The following CNTNAP2 variants were observed in gnomAD, a reference collection of about 807,000 sequenced individuals.
CNTNAP2 encodes contactin-associated protein-like 2.
Under a neutral mutation model 155.2 loss-of-function variants are expected in CNTNAP2, and 98 were observed. The observed-to-expected ratio is 0.63, with a 90% confidence interval of 0.54 to 0.75. The LOEUF (loss-of-function observed/expected upper bound fraction) is 0.75, where lower values mean the gene tolerates loss of function less well. Among genes scored for constraint, CNTNAP2 ranks in the 30% least tolerant of loss-of-function variants. The pLI is 0.00. For missense variants in CNTNAP2, 1,727 were observed against 1,688.1 expected (o/e 1.02, Z -0.40); for synonymous variants, 651 against 631.2 (o/e 1.03, Z -0.47).
chr7:147,225,070 A>T (rs2116603240), intron 8 of CNTNAP2, among the ~76,000 whole-genome samples: 1 of 152,318 alleles, frequency 6.6e-6, no homozygotes, highest in Admixed American at 6.5e-5. Context: ...AATTACTTGC[A>T]GTTAAGTAAA....
chr7:147,382,571 A>C (rs1213758848), intron 9 of CNTNAP2, among the ~76,000 whole-genome samples: 1 of 152,166 alleles, frequency 6.6e-6, no homozygotes, highest in East Asian at 1.9e-4. Flanking sequence ...ATTAAAATGG[A>C]GGAGTCAAAC....
chr7:147,894,689 G>C (rs904762702), intron 13 of CNTNAP2, among the ~76,000 whole-genome samples: 2 of 152,044 alleles, frequency 1.3e-5, no homozygotes, highest in African/African-American at 4.8e-5. Flanking sequence ...TATAGAAACA[G>C]TGGGAATGAA....
At chr7:147,346,084 A>T (rs1584888230) in intron 9 of CNTNAP2, among the ~76,000 whole-genome samples, 1 of 152,160 alleles carries the variant, frequency 6.6e-6, no homozygotes, top group Non-Finnish European at 1.5e-5. Flanking sequence ...TGACATTGTA[A>T]ATAGTGTTCC....
At chr7:146,159,588 A>G (rs1798184199) in intron 1 of CNTNAP2, among the ~76,000 whole-genome samples, 2 of 152,206 alleles carry the variant, frequency 1.3e-5, no homozygotes, top group Non-Finnish European at 2.9e-5. Context: ...AGGGGTTGCA[A>G]TCTTAGTCTC....
At chr7:147,148,768 G>A (rs1186051018) in intron 8 of CNTNAP2, among the ~76,000 whole-genome samples, 1 of 152,164 alleles carries the variant, frequency 6.6e-6, no homozygotes, top group Non-Finnish European at 1.5e-5. Flanking sequence ...TCCTCCTGGA[G>A]GGTTCATGGT....
chr7:147,934,466 A>T (rs1052991660), intron 14 of CNTNAP2, among the ~76,000 whole-genome samples: 18 of 152,162 alleles, frequency 1.2e-4, no homozygotes, highest in African/African-American at 4.3e-4. Flanking sequence ...CATGGGAAAG[A>T]CCTGCCCCCA....
chr7:147,206,724 C>T (rs1396304129), intron 8 of CNTNAP2, among the ~76,000 whole-genome samples: 1 of 152,088 alleles, frequency 6.6e-6, no homozygotes, highest in Non-Finnish European at 1.5e-5. Flanking sequence ...TAAAAAGATT[C>T]CTATTTTTTG....
At chr7:146,869,276 T>C (rs763638120) in intron 3 of CNTNAP2, among the ~76,000 whole-genome samples, 1 of 152,174 alleles carries the variant, frequency 6.6e-6, no homozygotes, top group South Asian at 2.1e-4. Context: ...TAGATAATCA[T>C]GTGTTTTGTT....
At chr7:148,155,705 G>T (rs926896605) in intron 17 of CNTNAP2, among the ~76,000 whole-genome samples, 3 of 152,164 alleles carry the variant, frequency 2.0e-5, no homozygotes, top group South Asian at 4.1e-4. Context: ...GGCAGAGAAA[G>T]AATTAACAAT....
intron 20 of CNTNAP2, among the ~76,000 whole-genome samples, chr7:148,256,955 A>C (rs1365848417): frequency 6.6e-6 from 1 of 152,142 alleles, no homozygotes; most frequent in Non-Finnish European, 1.5e-5. Context: ...ACTGGTAATA[A>C]AGTGAGTGGT....
In CNTNAP2 at chr7:146,669,820, T is replaced by A. The variant is rs577701480; in HGVS notation, c.98-104451T>A. On this transcript the variant is annotated intron_variant, in intron 1 of 23. Coordinates refer to ENST00000361727, the MANE Select transcript of CNTNAP2 (RefSeq NM_014141.6). ...ACCTTTTTTTAAACTTTAGTGTAAG[T>A]ACTACAACATTTTACTAAGCAAATT... 1.5e-3 allele frequency among the ~76,000 whole-genome samples: 220 copies of A among 146,766 alleles called. 1 individual carries two copies. The highest frequency in any genetic ancestry group is 5.5e-3 in the African/African-American group (215 of 39,384).
intron 1 of CNTNAP2, among the ~76,000 whole-genome samples, chr7:146,242,914 G>A (rs1415534657): frequency 3.3e-5 from 5 of 150,892 alleles, no homozygotes; most frequent in Middle Eastern, 3.5e-3. Flanking sequence ...ATAATTTCAA[G>A]AAGCTGGATG....
At chr7:147,858,933 T>C (rs931291651) in intron 13 of CNTNAP2, among the ~76,000 whole-genome samples, 1 of 152,218 alleles carries the variant, frequency 6.6e-6, no homozygotes, top group South Asian at 2.1e-4. Flanking sequence ...ACCCAGTTTA[T>C]GGTAATTTGT....
In CNTNAP2 at chr7:147,010,383, C is replaced by A. The variant is rs143283533; in HGVS notation, c.403-33524C>A. On this transcript the variant is annotated intron_variant, in intron 3 of 23. Coordinates refer to ENST00000361727, the MANE Select transcript of CNTNAP2 (RefSeq NM_014141.6). ...TTGAAAAAAATGATGAATTTTGGTT[C>A]TTTAGTATCATTTTTGATTAATGGA... 2.3e-3 allele frequency among the ~76,000 whole-genome samples: 355 copies of A among 151,996 alleles called. 3 individuals carry two copies. Among genetic ancestry groups the A allele is most frequent in the African/African-American group, 8.2e-3 (339 of 41,464 alleles).
chr7:147,130,509 G>A (rs1801331172), intron 7 of CNTNAP2, among the ~76,000 whole-genome samples: 1 of 152,002 alleles, frequency 6.6e-6, no homozygotes, highest in African/African-American at 2.4e-5. Flanking sequence ...GTTTGATTAT[G>A]CTCTATAATT....
chr7:147,319,208 C>T (rs189101114), intron 9 of CNTNAP2, among the ~76,000 whole-genome samples: 2 of 152,202 alleles, frequency 1.3e-5, no homozygotes, highest in Non-Finnish European at 2.9e-5. Flanking sequence ...CTTTATATTG[C>T]ATCAATAATT....
chr7:147,308,986 A>G (rs1795078043), intron 9 of CNTNAP2, among the ~76,000 whole-genome samples: 1 of 152,232 alleles, frequency 6.6e-6, no homozygotes, highest in African/African-American at 2.4e-5. Flanking sequence ...AGAAGCTGTT[A>G]TACTAAAAAT....
At chr7:147,016,790 A>C (rs1187359034) in intron 3 of CNTNAP2, among the ~76,000 whole-genome samples, 2 of 152,038 alleles carry the variant, frequency 1.3e-5, no homozygotes, top group Non-Finnish European at 2.9e-5. Flanking sequence ...AATGGGGCTC[A>C]AAGTGAATGG....
intron 13 of CNTNAP2, among the ~76,000 whole-genome samples, chr7:147,839,386 A>G (rs140789011): frequency 2.0e-5 from 3 of 152,328 alleles, no homozygotes; most frequent in East Asian, 3.9e-4. Context: ...GTTTTAATCT[A>G]TAGAAGAGAA....
Sources: gnomAD v4.1 joint callset for allele counts (sites outside exome capture counted in the v4.1 genomes callset) on GRCh38, gnomAD v4.1.1 for gene constraint, MANE v1.5 for transcripts, NCBI Gene and HGNC (gene_info 2026-07-23, HGNC 2026-07-21) for gene names.